The following SYT9 variants were observed in gnomAD, a reference collection of about 807,000 sequenced individuals.
SYT9 encodes synaptotagmin-9.
SYT9 carries 22 observed loss-of-function variants against 48.4 expected under a neutral mutation model. The observed-to-expected ratio is 0.45, with a 90% confidence interval of 0.32 to 0.65. The LOEUF is 0.65. Among genes scored for constraint, SYT9 ranks in the 30% least tolerant of loss-of-function variants. SYT9 has a pLI of 0.03. For synonymous variants in SYT9, 265 were observed against 245.0 expected, an observed-to-expected ratio of 1.08 and a Z score of -0.76; for missense variants, 577 against 622.0, an observed-to-expected ratio of 0.93 and a Z score of 0.77.
chr11:7,313,012 T>C, intron 2 of SYT9, among the ~76,000 whole-genome samples: 1 of 152,184 alleles, frequency 6.6e-6, no homozygotes, highest in South Asian at 2.1e-4. Flanking sequence ...GCTATTTCAA[T>C]TTCAGAATTA....
In SYT9 at chr11:7,252,925, G is replaced by C. The variant is rs1353977478; in HGVS notation, c.145+594G>C. Among the ~76,000 whole-genome samples the C allele has an allele frequency of 6.6e-6, 1 of 152,224 alleles. No homozygotes were observed. Among genetic ancestry groups the C allele is most frequent in the Non-Finnish European group, 1.5e-5 (1 of 68,042 alleles). ...TGAACCCGTTCCCGGCGGGTCGCAC[G>C]GCATGGAGGTGGCCTGGGCCTGGGC... On this transcript the variant is annotated intron_variant, in intron 1 of 6. Coordinates refer to ENST00000318881, the MANE Select transcript of SYT9 (RefSeq NM_175733.4). The surrounding 1 kb of genome is among the most constrained non-coding windows in gnomAD (Gnocchi z 6.3).
At chr11:7,282,470 A>G (rs1848514282) in intron 1 of SYT9, among the ~76,000 whole-genome samples, 1 of 152,226 alleles carries the variant, frequency 6.6e-6, no homozygotes, top group Non-Finnish European at 1.5e-5. Flanking sequence ...TTGCCCAGGT[A>G]AATATGGAGG....
intron 1 of SYT9, among the ~76,000 whole-genome samples, chr11:7,282,548 T>A (rs1409592477): frequency 6.6e-6 from 1 of 152,208 alleles, no homozygotes; most frequent in Non-Finnish European, 1.5e-5. Context: ...AAGGTGCTGA[T>A]GACCAGCAGT....
intron 1 of SYT9, among the ~76,000 whole-genome samples, chr11:7,242,970 C>G (rs183646177): frequency 6.6e-5 from 10 of 151,960 alleles, no homozygotes; most frequent in Non-Finnish European, 1.3e-4. Context: ...TGCTTGAACC[C>G]GGGAGGCGGA....
intron 6 of SYT9, among the ~76,000 whole-genome samples, chr11:7,447,139 C>T (rs1847949609): frequency 6.6e-6 from 1 of 152,208 alleles, no homozygotes; most frequent in African/African-American, 2.4e-5. Flanking sequence ...ATCTTGCCCT[C>T]ATATCGCTGA....
At chr11:7,255,115 A>G (rs1383775882) in intron 1 of SYT9, among the ~76,000 whole-genome samples, 1 of 152,232 alleles carries the variant, frequency 6.6e-6, no homozygotes, top group African/African-American at 2.4e-5. Flanking sequence ...ACTTTTGTCC[A>G]TAGAAAGCAA....
intron 6 of SYT9, among the ~76,000 whole-genome samples, chr11:7,449,208 GTGGTGGATGC>G (rs1847993913): frequency 6.6e-6 from 1 of 151,566 alleles, no homozygotes; most frequent in South Asian, 2.1e-4. Flanking sequence ...ACCGGGCATG[GTGGTGGATGC>G]CTATAATCCC....
intron 3 of SYT9, among the ~76,000 whole-genome samples, chr11:7,364,912 A>G (rs1006052820): frequency 1.3e-5 from 2 of 152,162 alleles, no homozygotes; most frequent in Non-Finnish European, 2.9e-5. Context: ...AAAAGGAAAG[A>G]AAAAAGAATC....
chr11:7,279,044 A>G (rs1213606171), intron 1 of SYT9, among the ~76,000 whole-genome samples: 1 of 152,232 alleles, frequency 6.6e-6, no homozygotes, highest in East Asian at 1.9e-4. Flanking sequence ...GGGAGTAATG[A>G]TAACAGATGC....
intron 3 of SYT9, among the ~76,000 whole-genome samples, chr11:7,346,635 C>G (rs993815588): frequency 2.0e-5 from 3 of 152,146 alleles, no homozygotes; most frequent in Admixed American, 6.5e-5. Context: ...CTGATGATTT[C>G]TTTTATAGTA....
chr11:7,362,214 G>T (rs920631612), intron 3 of SYT9, among the ~76,000 whole-genome samples: 1 of 147,282 alleles, frequency 6.8e-6, no homozygotes, highest in African/African-American at 2.5e-5. Context: ...GTGTGATCTC[G>T]GCTTACTGCA....
At chr11:7,464,439 T>C (rs1280146564) in intron 6 of SYT9, among the ~76,000 whole-genome samples, 1 of 152,220 alleles carries the variant, frequency 6.6e-6, no homozygotes, top group Non-Finnish European at 1.5e-5. Context: ...TTGGAAGTCT[T>C]GGGTTTAAAT....
At chr11:7,282,305 A>G (rs1236823504) in intron 1 of SYT9, among the ~76,000 whole-genome samples, 1 of 152,218 alleles carries the variant, frequency 6.6e-6, no homozygotes, top group East Asian at 1.9e-4. Context: ...GGAAATGCCA[A>G]ACCCATTTCA....
intron 1 of SYT9, among the ~76,000 whole-genome samples, chr11:7,283,162 T>TACAC (rs1347311519): frequency 2.8e-4 from 41 of 146,598 alleles, no homozygotes; most frequent in African/African-American, 1.0e-3. Context: ...TATATATATA[T>TACAC]ATACACACAC....
intron 6 of SYT9, chr11:7,428,152 CAT>C (rs1273074457): frequency 5.3e-5 from 8 of 152,274 alleles, no homozygotes; most frequent in Middle Eastern, 3.4e-3. Flanking sequence ...TCATACAAAA[CAT>C]AGGAGTACTT....
At chr11:7,461,840 C>T (rs376186734) in intron 6 of SYT9, among the ~76,000 whole-genome samples, 1 of 152,212 alleles carries the variant, frequency 6.6e-6, no homozygotes, top group African/African-American at 2.4e-5. Context: ...TCCTATCTTG[C>T]CACCTCATCG....
At position 7,296,194 on chromosome 11, in the gene SYT9, A is replaced by G. The variant is rs375162996; in HGVS notation, c.146-6845A>G. The stretch of plus-strand genomic sequence containing the variant: ...AGAGATAGGTACTATTATTATCCCA[A>G]TGTTACTTTGACAAGACAAGATACA... On this transcript the variant is annotated intron_variant, in intron 1 of 6. Transcript: ENST00000318881. Among the ~76,000 whole-genome samples, 6 of 152,176 alleles carry G rather than the reference A, an allele frequency of 3.9e-5. No individual in the cohort carries two copies. In the East Asian group the frequency reaches 9.6e-4, roughly 24 times the overall value.
At position 7,418,116 on chromosome 11, in the gene SYT9, T is replaced by C. The variant is rs746510096; in HGVS notation, c.1325T>C (p.Met442Thr). The C allele has an allele frequency of 6.2e-7, 1 of 1,613,668 alleles. No individual in the cohort carries two copies. The highest frequency in any genetic ancestry group is 1.3e-5 in the African/African-American group (1 of 74,892). Residue 442 changes from methionine (M) to threonine (T), a missense_variant, in exon 5 of 7, where the codon ATG becomes ACG. Physicochemically the swap from Met to Thr is moderately conservative, Grantham distance 81. Coordinates refer to ENST00000318881, the MANE Select transcript of SYT9 (RefSeq NM_175733.4). ...CAAATCCACTTGTCCATAGCAGTCA[T>C]GGACTATGACCGGTGAGATACCTGG... ...IDQIHLSIAV[M>T]DYDRVGHNEI... is the part of the protein sequence containing the mutation.
chr11:7,270,186 T>C (rs1261699498), intron 1 of SYT9, among the ~76,000 whole-genome samples: 8 of 152,200 alleles, frequency 5.3e-5, no homozygotes, highest in Admixed American at 5.2e-4. Context: ...TTTATTCTTA[T>C]TATATAAATA....
Sources: gnomAD v4.1 joint callset for allele counts (sites outside exome capture counted in the v4.1 genomes callset) on GRCh38, gnomAD v4.1.1 for gene constraint, Gnocchi (gnomAD v3.1) non-coding constraint, MANE v1.5 for transcripts, NCBI Gene and HGNC (gene_info 2026-07-23, HGNC 2026-07-21) for gene names.